The following PPP1R13B variants were observed in gnomAD, a reference collection of about 807,000 sequenced individuals.
PPP1R13B encodes apoptosis-stimulating of p53 protein 1.
In PPP1R13B, 44 loss-of-function variants were observed where a neutral mutation model predicts 119.8. The observed-to-expected ratio is 0.37, with a 90% confidence interval of 0.29 to 0.47. The LOEUF (loss-of-function observed/expected upper bound fraction) is 0.47, where lower values mean the gene tolerates loss of function less well. Among genes scored for constraint, PPP1R13B ranks in the 20% least tolerant of loss-of-function variants. The pLI, the probability that PPP1R13B is intolerant of heterozygous loss-of-function variation, is 0.99. For missense variants in PPP1R13B, 1,227 were observed against 1,413.5 expected (o/e 0.87, Z 2.12); for synonymous variants, 542 against 561.5 (o/e 0.97, Z 0.49).
intron 12 of PPP1R13B, among the ~76,000 whole-genome samples, chr14:103,739,444 G>A (rs1037041993): frequency 3.3e-5 from 5 of 152,190 alleles, no homozygotes; most frequent in Admixed American, 2.6e-4. Context: ...CCCTGAGATG[G>A]CGCCTGGCTC....
intron 1 of PPP1R13B, among the ~76,000 whole-genome samples, chr14:103,825,541 T>C (rs1393761698): frequency 6.6e-6 from 1 of 152,220 alleles, no homozygotes; most frequent in African/African-American, 2.4e-5. Context: ...GAGAAAGTTT[T>C]AGTAGTCTGG....
chr14:103,733,281 C>T lies in PPP1R13B; in HGVS notation c.*1873G>A, dbSNP rs2084004512. The T allele has an allele frequency of 4.3e-6, 2 of 466,410 alleles. No individual in the cohort carries two copies. The highest frequency in any genetic ancestry group is 7.3e-5 in the Admixed American group (2 of 27,228). The allele number at this position is 466,410 out of a possible 1,614,324, so 28.9% of individuals were successfully genotyped here. On this transcript the variant is annotated 3_prime_UTR_variant, in exon 17 of 17. Coordinates refer to ENST00000202556, the MANE Select transcript of PPP1R13B (RefSeq NM_015316.3). The stretch of plus-strand genomic sequence containing the variant: ...GGGTGGGAGAGACTGAGCTACACTA[C>T]TGCTAAACTATTTTTAGCATAATAT...
chr14:103,833,455 C>T (rs1342466986), intron 1 of PPP1R13B, among the ~76,000 whole-genome samples: 2 of 152,020 alleles, frequency 1.3e-5, no homozygotes, highest in Non-Finnish European at 2.9e-5. Flanking sequence ...ACCAGCCTGG[C>T]CAACATGGTG....
chr14:103,820,652 A>ATTTTTTTT (rs35928276), intron 1 of PPP1R13B, among the ~76,000 whole-genome samples: 1 of 102,590 alleles, frequency 9.7e-6, no homozygotes. Context: ...CATGCCCAGG[A>ATTTTTTTT]TTTTTTTTTT....
intron 4 of PPP1R13B, among the ~76,000 whole-genome samples, chr14:103,771,198 G>A (rs1045150330): frequency 6.6e-6 from 1 of 152,162 alleles, no homozygotes; most frequent in Non-Finnish European, 1.5e-5. Context: ...AAGGACAGTA[G>A]AAATTGAGCC....
At chr14:103,790,908 T>C (rs571550279) in intron 2 of PPP1R13B, among the ~76,000 whole-genome samples, 1 of 152,318 alleles carries the variant, frequency 6.6e-6, no homozygotes, top group East Asian at 1.9e-4. Context: ...CTTGTGTTTA[T>C]ACTTAAGATT....
intron 1 of PPP1R13B, among the ~76,000 whole-genome samples, chr14:103,832,333 G>C (rs1423605673): frequency 1.3e-5 from 2 of 152,130 alleles, no homozygotes; most frequent in Admixed American, 6.5e-5. Context: ...GGTTGTGCTT[G>C]AAGCTATACC....
intron 6 of PPP1R13B, 35 bp downstream of exon 6, chr14:103,754,035 G>T (rs1172760798): frequency 6.2e-7 from 1 of 1,602,642 alleles, no homozygotes; most frequent in East Asian, 2.2e-5. Flanking sequence ...TGGGCCTGGT[G>T]AGAGTGGTGT....
intron 1 of PPP1R13B, 57 bp from the exon 2 acceptor site, chr14:103,797,575 C>G (rs1373161555): frequency 1.4e-6 from 2 of 1,469,866 alleles, no homozygotes; most frequent in Non-Finnish European, 1.9e-6. Flanking sequence ...ACAGATTAAT[C>G]TGTAAATTTA....
At chr14:103,805,941 T>C (rs574622977) in intron 1 of PPP1R13B, among the ~76,000 whole-genome samples, 1 of 152,342 alleles carries the variant, frequency 6.6e-6, no homozygotes, top group East Asian at 1.9e-4. Flanking sequence ...TAAAATTAGA[T>C]TGTGGTGATG....
chr14:103,813,197 T>C (rs765767973), intron 1 of PPP1R13B, among the ~76,000 whole-genome samples: 7 of 151,938 alleles, frequency 4.6e-5, no homozygotes, highest in Non-Finnish European at 8.8e-5. Flanking sequence ...TGGTACATAA[T>C]ACTGCTGGAA....
intron 7 of PPP1R13B, among the ~76,000 whole-genome samples, chr14:103,750,582 G>A (rs767593942): frequency 2.6e-5 from 4 of 151,932 alleles, no homozygotes; most frequent in Non-Finnish European, 5.9e-5. Flanking sequence ...TGTAATCCCA[G>A]CACTCTGGGA....
At chr14:103,772,640 G>A (rs2085098050) in intron 4 of PPP1R13B, among the ~76,000 whole-genome samples, 1 of 151,650 alleles carries the variant, frequency 6.6e-6, no homozygotes, top group Admixed American at 6.6e-5. Flanking sequence ...TTTATTTGGG[G>A]AAGCACCTGT....
chr14:103,749,853 C>A lies in PPP1R13B; in HGVS notation c.910G>T (p.Ala304Ser). 6.2e-7 allele frequency: 1 copy of A among 1,614,136 alleles called. No individual in the cohort carries two copies. Among genetic ancestry groups the A allele is most frequent in the Non-Finnish European group, 8.5e-7 (1 of 1,180,014 alleles). ...TCACTGATTCGCTTGTCCATCATGG[C>A]CACCTCCATGTTGCGCTTATTTAAG... ...ELLNKRNMEV[A>S]MMDKRISELR... The change falls in exon 8 of 17, where the codon GCC becomes TCC. Residue 304 changes from alanine to serine, a missense_variant. Coordinates refer to ENST00000202556, the MANE Select transcript of PPP1R13B (RefSeq NM_015316.3).
At chr14:103,813,819 G>A (rs1469290059) in intron 1 of PPP1R13B, among the ~76,000 whole-genome samples, 1 of 152,082 alleles carries the variant, frequency 6.6e-6, no homozygotes, top group African/African-American at 2.4e-5. Flanking sequence ...TGGGTTCATG[G>A]TCAGAAAAGT....
rs1200023236 is a variant in PPP1R13B at position 103,739,970 on chromosome 14, G to C, written c.2446C>G (p.Pro816Ala). 1.9e-6 allele frequency: 3 copies of C among 1,614,132 alleles called. No homozygotes were observed. Among genetic ancestry groups the C allele is most frequent in the Non-Finnish European group, 1.7e-6 (2 of 1,180,028 alleles). Residue 816 changes from proline (P) to alanine (A), a missense_variant, in exon 12 of 17, where the codon CCG (proline) becomes GCG (alanine). Coordinates refer to ENST00000202556, the MANE Select transcript of PPP1R13B (RefSeq NM_015316.3). ...CPQTTHQTAE[P>A]AEDNNNNVAT... The stretch of plus-strand genomic sequence containing the variant: ...ACGTTGTTGTTATTGTCCTCTGCCG[G>C]CTCGGCAGTTTGGTGGGTGGTTTGG...
chr14:103,745,742 TCA>T (rs1400608720), intron 9 of PPP1R13B, among the ~76,000 whole-genome samples: 1 of 152,246 alleles, frequency 6.6e-6, no homozygotes, highest in African/African-American at 2.4e-5. Flanking sequence ...ATGCCGGGCC[TCA>T]GTGTCCTCAG....
chr14:103,763,669 C>T (rs941033541), intron 4 of PPP1R13B, among the ~76,000 whole-genome samples: 7 of 152,100 alleles, frequency 4.6e-5, no homozygotes, highest in Admixed American at 3.9e-4. Context: ...TTTACATATC[C>T]TAAAATTCAC....
At position 103,843,170 on chromosome 14, in the gene PPP1R13B, G is replaced by A. The variant is rs543836157; in HGVS notation, c.9+4129C>T. ...GCAGATAACTGGAGGCCAGGAGTTCGAGACCAGCCTGGCCAACATGGTGAA... is the reference window on the plus strand; with the variant it reads ...GCAGATAACTGGAGGCCAGGAGTTCAAGACCAGCCTGGCCAACATGGTGAA... On this transcript the variant is annotated intron_variant, in intron 1 of 16. Coordinates refer to ENST00000202556, the MANE Select transcript of PPP1R13B (RefSeq NM_015316.3). 6.0e-5 allele frequency among the ~76,000 whole-genome samples: 9 copies of A among 150,640 alleles called. No homozygotes were observed. The South Asian group carries it at 1.1e-3, about 18-fold the overall frequency.
Sources: gnomAD v4.1 joint callset for allele counts (sites outside exome capture counted in the v4.1 genomes callset) on GRCh38, gnomAD v4.1.1 for gene constraint, MANE v1.5 for transcripts, NCBI Gene and HGNC (gene_info 2026-07-23, HGNC 2026-07-21) for gene names.